SYCP2: variants seen among roughly 807,000 people sequenced by gnomAD.
SYCP2 encodes the protein synaptonemal complex lateral element protein.
A neutral mutation model predicts 211.3 loss-of-function variants in SYCP2; 55 were observed. That is an observed-to-expected ratio of 0.26 (90% CI 0.21 to 0.33). The LOEUF (loss-of-function observed/expected upper bound fraction) is 0.33. SYCP2 is among the 10% of genes least tolerant of loss of function. The probability of loss-of-function intolerance (pLI) is 1.00; values close to 1 mark genes in which losing one functional copy is unlikely to be tolerated. For missense variants in SYCP2, 1,731 were observed against 1,752.0 expected, an observed-to-expected ratio of 0.99 and a Z score of 0.21; for synonymous variants, 570 against 555.2, an observed-to-expected ratio of 1.03 and a Z score of -0.37.
rs1262087188 is a variant in SYCP2, at chr20:59,863,581, T to G, written c.*730A>C. 2.0e-5 allele frequency: 3 copies of G among 152,024 alleles called. No homozygotes were observed. The highest frequency in any genetic ancestry group is 4.4e-5 in the Non-Finnish European group (3 of 67,902). 9.4% of individuals were successfully genotyped at this position (152,024 alleles called of 1,614,324 possible). A position where few individuals can be genotyped will look rare whatever the true frequency, so the allele number is the denominator to read the frequency against. ...ATAGGAATATAATGATTTATATTTA[T>G]TCAAGTGACATAAGCATTTATTTCA... is the stretch of plus-strand genomic sequence containing the variant. On this transcript the variant is annotated 3_prime_UTR_variant, in exon 45 of 45. Coordinates refer to ENST00000357552, the MANE Select transcript of SYCP2 (RefSeq NM_014258.4).
chr20:59,909,182 T>C (rs1007805015), intron 14 of SYCP2, among the ~76,000 whole-genome samples: 9 of 152,230 alleles, frequency 5.9e-5, no homozygotes, highest in African/African-American at 1.9e-4. Context: ...CTGTAGAAAT[T>C]TGTTTTTCAT....
intron 35 of SYCP2, among the ~76,000 whole-genome samples, 154 bp downstream of exon 35, chr20:59,873,698 ATCTC>A (rs1177192472): frequency 2.0e-5 from 3 of 152,076 alleles, no homozygotes; most frequent in Non-Finnish European, 4.4e-5. Context: ...ACTGGCAAGT[ATCTC>A]TCTCTTGTCA....
In SYCP2 at chr20:59,877,462, A is replaced by C. The variant is rs1183437951; in HGVS notation, c.3073T>G (p.Tyr1025Asp). 4.4e-6 allele frequency: 7 copies of C among 1,604,606 alleles called. No individual in the cohort carries two copies. Among genetic ancestry groups the C allele is most frequent in the Non-Finnish European group, 5.9e-6 (7 of 1,176,786 alleles). ...GATTCTGAATTTGAGAGATCTTTAT[A>C]GTTTTTTTTTGTTTTGGTTGCTTTT... ...PRKATKTKKNYKDLSNSESEC... is the reference protein window; with the variant it reads ...PRKATKTKKNDKDLSNSESEC... Residue 1025 changes from tyrosine to aspartate, a missense_variant, in exon 33 of 45, where the codon TAT becomes GAT. Transcript: ENST00000357552.
At chr20:59,879,063 A>T (rs2145657993) in intron 31 of SYCP2, among the ~76,000 whole-genome samples, 1 of 152,130 alleles carries the variant, frequency 6.6e-6, no homozygotes, top group East Asian at 1.9e-4. Context: ...TCTTCGTGAG[A>T]TCTCTAATCT....
At chr20:59,871,416 C>A (rs2059449452) in intron 35 of SYCP2, among the ~76,000 whole-genome samples, 1 of 151,840 alleles carries the variant, frequency 6.6e-6, no homozygotes, top group African/African-American at 2.4e-5. Context: ...AAATTTCCAA[C>A]ACCTTATTAA....
chr20:59,869,023 G>T, intron 36 of SYCP2, 98 bp from the exon 37 acceptor site: 1 of 757,638 alleles, frequency 1.3e-6, no homozygotes, highest in Non-Finnish European at 2.1e-6. Context: ...AATTTTAAAT[G>T]CTGTCAATTC....
chr20:59,870,930 C>T (rs1488078365), intron 35 of SYCP2, among the ~76,000 whole-genome samples: 3 of 151,606 alleles, frequency 2.0e-5, no homozygotes, highest in African/African-American at 4.8e-5. Flanking sequence ...AAATTTGAGT[C>T]AAATTTAGAC....
chr20:59,870,258 A>AT (rs570012871), intron 35 of SYCP2, among the ~76,000 whole-genome samples: 83 of 151,800 alleles, frequency 5.5e-4, no homozygotes, highest in African/African-American at 1.9e-3. Context: ...ACGAATAAGA[A>AT]TTTTTTGCAT....
Position 59,886,702 on chromosome 20 carries a change from C to A in SYCP2, c.2492+5G>T. ...AATATTCATGTCTGAAATTTAAGAA[C>A]ATACCTGTTAATCAAAGACTCCTTT... On this transcript the variant is annotated splice_donor_5th_base_variant and intron_variant, in intron 25 of 44. Transcript: ENST00000357552. 2 of 1,541,616 alleles carry A rather than the reference C, an allele frequency of 1.3e-6. No homozygotes were observed. Among genetic ancestry groups the A allele is most frequent in the Non-Finnish European group, 1.7e-6 (2 of 1,147,816 alleles).
chr20:59,884,761 C>G (rs1265338442), intron 26 of SYCP2, among the ~76,000 whole-genome samples: 2 of 151,424 alleles, frequency 1.3e-5, no homozygotes, highest in Non-Finnish European at 2.9e-5. Context: ...AGAAGGTAAG[C>G]AAAAGGCAGC....
Position 59,868,883 on chromosome 20 carries a change from T to C in SYCP2, c.3784A>G (p.Arg1262Gly). Residue 1262 changes from arginine to glycine, a missense_variant, in exon 37 of 45, where the codon AGA becomes GGA. Physicochemically the swap from Arg to Gly is moderately radical, Grantham distance 125 (BLOSUM62 -2). Transcript: ENST00000357552. The stretch of plus-strand genomic sequence containing the variant: ...GGCATGTCAAACCACGTTTTCTCTC[T>C]TCCTTCACTAGACTTGGATAATGAA... ...ASSLSKSSEG[R>G]EKTWFDMPCD... 1 of 1,610,240 alleles carries C rather than the reference T, an allele frequency of 6.2e-7. No individual in the cohort carries two copies. The highest frequency in any genetic ancestry group is 8.5e-7 in the Non-Finnish European group (1 of 1,177,760).
At chr20:59,917,360 G>C (rs1433956671) in intron 7 of SYCP2, among the ~76,000 whole-genome samples, 1 of 152,144 alleles carries the variant, frequency 6.6e-6, no homozygotes, top group African/African-American at 2.4e-5. Context: ...TCAGAGGAAT[G>C]TGTACATGCT....
Position 59,911,843 on chromosome 20 carries a change from C to G in SYCP2, c.879G>C (p.Leu293=). The G allele has an allele frequency of 6.5e-7, 1 of 1,536,802 alleles. No homozygotes were observed. Among genetic ancestry groups the G allele is most frequent in the Non-Finnish European group, 8.9e-7 (1 of 1,123,320 alleles). Residue 293 remains leucine, a splice_region_variant and synonymous_variant, in exon 14 of 45, where the codon CTG becomes CTC. Coordinates refer to ENST00000357552, the MANE Select transcript of SYCP2 (RefSeq NM_014258.4). The part of the protein sequence containing the change: ...CLSAFLDKYE[L]QIPSDEKLEE... ...CAAGTTTTTCATCTGATGGTATTTG[C>G]AGCTAATAAAATAAACATACAAAAC...
chr20:59,887,407 T>C (rs1399658786), intron 24 of SYCP2, among the ~76,000 whole-genome samples: 2 of 152,160 alleles, frequency 1.3e-5, no homozygotes, highest in Admixed American at 1.3e-4. Context: ...TTGAGGGACA[T>C]TTGGGTGGGT....
At chr20:59,898,052 G>A (rs1203221060) in intron 18 of SYCP2, among the ~76,000 whole-genome samples, 6 of 152,224 alleles carry the variant, frequency 3.9e-5, no homozygotes, top group Middle Eastern at 3.4e-3. Context: ...TCTGGGAGGC[G>A]GAGGTTGCAG....
In SYCP2 at chr20:59,863,826, T is replaced by C. The variant is rs2059279252; in HGVS notation, c.*485A>G. 6.6e-6 allele frequency: 1 copy of C among 152,056 alleles called. No homozygotes were observed. The allele number at this position is 152,056 out of a possible 1,614,324, so 9.4% of individuals were successfully genotyped here. On this transcript the variant is annotated 3_prime_UTR_variant, in exon 45 of 45. Coordinates refer to ENST00000357552, the MANE Select transcript of SYCP2 (RefSeq NM_014258.4). ...ATCTGAATAAATGTTTCCAACAGTG[T>C]GCTGAAAGTACTGATCTACCACTCA...
chr20:59,865,560 A>C lies in SYCP2; in HGVS notation c.4458+13T>G. The C allele has an allele frequency of 6.3e-7, 1 of 1,593,638 alleles. No homozygotes were observed. Among genetic ancestry groups the C allele is most frequent in the Non-Finnish European group, 8.6e-7 (1 of 1,169,244 alleles). ...TCAAGAGAGGTAACCTATAAAAAGCATAAAATTTATACCTCGGATGTAAAA... is the reference window on the plus strand; with the variant it reads ...TCAAGAGAGGTAACCTATAAAAAGCCTAAAATTTATACCTCGGATGTAAAA... On this transcript the variant is annotated intron_variant, in intron 43 of 44. Transcript: ENST00000357552.
At chr20:59,909,907 G>A (rs141385970) in intron 14 of SYCP2, among the ~76,000 whole-genome samples, 87 of 152,312 alleles carry the variant, frequency 5.7e-4, no homozygotes, top group African/African-American at 2.0e-3. Flanking sequence ...AATACTCTAT[G>A]AGAAGGCAAC....
At position 59,880,289 on chromosome 20, in the gene SYCP2, A is replaced by C; in HGVS notation, c.2941+14T>G. 3.2e-6 allele frequency: 5 copies of C among 1,551,952 alleles called. No individual in the cohort carries two copies. The highest frequency in any genetic ancestry group is 4.4e-6 in the Non-Finnish European group (5 of 1,140,762). ...AAATCATTTGCAACATTTATCCAAA[A>C]GATAATTTCTTACTTGATTTTCCAC... On this transcript the variant is annotated intron_variant, in intron 31 of 44. Transcript: ENST00000357552.
Sources: gnomAD v4.1 joint callset for allele counts (sites outside exome capture counted in the v4.1 genomes callset) on GRCh38, gnomAD v4.1.1 for gene constraint, MANE v1.5 for transcripts, NCBI Gene and HGNC (gene_info 2026-07-23, HGNC 2026-07-21) for gene names.